ERC2: variants seen among roughly 807,000 people sequenced by gnomAD.
ERC2 encodes the protein ELKS/RAB6-interacting/CAST family member 2.
A neutral mutation model predicts 114.8 loss-of-function variants in ERC2; 42 were observed. The observed-to-expected ratio is 0.37, with a 90% confidence interval of 0.29 to 0.47. The LOEUF (loss-of-function observed/expected upper bound fraction) is 0.47. ERC2 is among the 20% of genes least tolerant of loss of function. ERC2 has a pLI of 0.99. For synonymous variants in ERC2, 454 were observed against 425.5 expected, an observed-to-expected ratio of 1.07 and a Z score of -0.82; for missense variants, 939 against 1,150.7, an observed-to-expected ratio of 0.82 and a Z score of 2.66.
intron 3 of ERC2, among the ~76,000 whole-genome samples, chr3:56,249,869 T>TTC (rs1235118653): frequency 4.1e-5 from 6 of 148,012 alleles, no homozygotes; most frequent in African/African-American, 1.5e-4. Flanking sequence ...TTTTTTTTTT[T>TTC]TTTTTTGAGA....
At chr3:56,216,793 A>G (rs1036235035) in intron 3 of ERC2, among the ~76,000 whole-genome samples, 3 of 152,216 alleles carry the variant, frequency 2.0e-5, no homozygotes, top group Non-Finnish European at 4.4e-5. Context: ...CTTGTCCACC[A>G]TGATCAGGTG....
chr3:56,355,555 T>A (rs1454661111), intron 2 of ERC2, among the ~76,000 whole-genome samples: 1 of 152,102 alleles, frequency 6.6e-6, no homozygotes, highest in African/African-American at 2.4e-5. Flanking sequence ...CAAGCGATCC[T>A]CCTGTCTCAG....
intron 14 of ERC2, among the ~76,000 whole-genome samples, chr3:55,881,595 C>T (rs529477639): frequency 1.1e-3 from 169 of 152,192 alleles, no homozygotes; most frequent in African/African-American, 3.7e-3. Flanking sequence ...TAGTTTAAAT[C>T]GTCAAAGCAA....
intron 6 of ERC2, among the ~76,000 whole-genome samples, chr3:56,137,676 C>T (rs931009861): frequency 1.3e-5 from 2 of 152,186 alleles, no homozygotes; most frequent in African/African-American, 4.8e-5. Flanking sequence ...AGGCTCAGGG[C>T]CAGATCTGGC....
At chr3:56,273,518 T>C (rs567570480) in intron 3 of ERC2, among the ~76,000 whole-genome samples, 1 of 152,246 alleles carries the variant, frequency 6.6e-6, no homozygotes, top group Admixed American at 6.5e-5. Context: ...CTGTCAGTAT[T>C]ACAGTAGTCA....
At chr3:56,257,395 C>A (rs1313294833) in intron 3 of ERC2, among the ~76,000 whole-genome samples, 1 of 152,314 alleles carries the variant, frequency 6.6e-6, no homozygotes, top group South Asian at 2.1e-4. Flanking sequence ...GGATGGCAAG[C>A]TTGAGAACCA....
chr3:55,779,966 A>G (rs1464617894), intron 14 of ERC2, among the ~76,000 whole-genome samples: 1 of 152,184 alleles, frequency 6.6e-6, no homozygotes, highest in Non-Finnish European at 1.5e-5. Context: ...TTAGAAGAAA[A>G]TGTTCATGAG....
chr3:56,085,509 C>T (rs896660280), intron 6 of ERC2, among the ~76,000 whole-genome samples: 2 of 152,182 alleles, frequency 1.3e-5, no homozygotes, highest in Admixed American at 1.3e-4. Flanking sequence ...TGGAGGGATA[C>T]TCACGTCCTG....
Position 55,555,294 on chromosome 3 carries a change from G to A in ERC2, c.*40-44018C>T, listed in dbSNP as rs144555089. Among the ~76,000 whole-genome samples the A allele has an allele frequency of 4.9e-3, 740 of 152,226 alleles. 3 individuals are homozygous for A. The highest frequency in any genetic ancestry group is 0.016 in the African/African-American group (675 of 41,504). On this transcript the variant is annotated intron_variant, in intron 17 of 17. Coordinates refer to ENST00000288221, the MANE Select transcript of ERC2 (RefSeq NM_015576.3). Reference sequence around the variant, plus strand: ...GAAATGCATTTTCGTTGTCTTGACCGGTGGAGAAACCCTATCGGCCCCAGC... The same window carrying A: ...GAAATGCATTTTCGTTGTCTTGACCAGTGGAGAAACCCTATCGGCCCCAGC...
intron 3 of ERC2, among the ~76,000 whole-genome samples, chr3:56,255,091 C>T (rs1402306229): frequency 6.6e-6 from 1 of 152,202 alleles, no homozygotes; most frequent in East Asian, 1.9e-4. Flanking sequence ...CGGCCTTAAT[C>T]TTGACTTAGA....
intron 7 of ERC2, among the ~76,000 whole-genome samples, chr3:56,032,993 A>C (rs2074529556): frequency 2.2e-5 from 3 of 137,584 alleles, no homozygotes; most frequent in Non-Finnish European, 4.7e-5. Context: ...GAAAGAAAGA[A>C]AGAAAGAAAG....
intron 6 of ERC2, among the ~76,000 whole-genome samples, chr3:56,106,775 G>C (rs1320950243): frequency 1.3e-5 from 2 of 152,168 alleles, no homozygotes; most frequent in Admixed American, 6.5e-5. Context: ...GCATTCTTGT[G>C]CTAGCAAGTC....
Position 55,513,507 on chromosome 3 carries a change from C to G in ERC2, c.*40-2231G>C, listed in dbSNP as rs148357122. Among the ~76,000 whole-genome samples, 315 of 152,238 alleles carry G rather than the reference C, an allele frequency of 2.1e-3. 2 individuals carry two copies. The highest frequency in any genetic ancestry group is 7.3e-3 in the African/African-American group (303 of 41,542). On this transcript the variant is annotated intron_variant, in intron 17 of 17. Transcript: ENST00000288221. The stretch of plus-strand genomic sequence containing the variant: ...TTGGATGTCATGTCTTCCCAAGAAG[C>G]CTTTCTTGACCCTCTCGGATGTGAT...
intron 11 of ERC2, among the ~76,000 whole-genome samples, chr3:55,988,964 A>G (rs894599410): frequency 6.6e-6 from 1 of 152,248 alleles, no homozygotes; most frequent in Admixed American, 6.5e-5. Context: ...AATGCTTCAG[A>G]AAGGCAGGCC....
At chr3:55,648,986 G>A (rs815469) in intron 17 of ERC2, among the ~76,000 whole-genome samples, 143,596 of 152,196 alleles carry the variant, frequency 0.94, 67,779 homozygotes, top group East Asian at 1. Context: ...AGGCCGGGCA[G>A]GGACATGAAT....
At chr3:56,304,091 C>T (rs1008915351) in intron 2 of ERC2, among the ~76,000 whole-genome samples, 8 of 152,054 alleles carry the variant, frequency 5.3e-5, no homozygotes, top group Admixed American at 3.3e-4. Context: ...CCAAAATTAT[C>T]AACCAGATCT....
Position 55,683,776 on chromosome 3 carries a change from T to A in ERC2, c.*39+18A>T, listed in dbSNP as rs878876584. Reference sequence around the variant, plus strand: ...ATGCAATTTTTTAATAAAAATGATATAAAAGATGGTTTCTCACCCCTCAAA... The same window carrying A: ...ATGCAATTTTTTAATAAAAATGATAAAAAAGATGGTTTCTCACCCCTCAAA... On this transcript the variant is annotated intron_variant, in intron 17 of 17. Coordinates refer to ENST00000288221, the MANE Select transcript of ERC2 (RefSeq NM_015576.3). The A allele has an allele frequency of 6.3e-7, 1 of 1,595,676 alleles. No homozygotes were observed. Among genetic ancestry groups the A allele is most frequent in the Non-Finnish European group, 8.6e-7 (1 of 1,166,516 alleles).
intron 13 of ERC2, among the ~76,000 whole-genome samples, chr3:55,893,890 T>C (rs1270255500): frequency 1.3e-5 from 2 of 152,206 alleles, no homozygotes; most frequent in Non-Finnish European, 2.9e-5. Flanking sequence ...ATCCCTAGCC[T>C]CTGACTCTAC....
At chr3:55,632,447 G>C (rs2059795266) in intron 17 of ERC2, among the ~76,000 whole-genome samples, 1 of 152,134 alleles carries the variant, frequency 6.6e-6, no homozygotes, top group Admixed American at 6.5e-5. Context: ...AGGCTGTCAG[G>C]CTCTGGGAAA....
Sources: gnomAD v4.1 joint callset for allele counts (sites outside exome capture counted in the v4.1 genomes callset) on GRCh38, gnomAD v4.1.1 for gene constraint, MANE v1.5 for transcripts, NCBI Gene and HGNC (gene_info 2026-07-23, HGNC 2026-07-21) for gene names.